ERBB4: variants seen among roughly 807,000 people sequenced by gnomAD.
ERBB4 encodes the protein receptor tyrosine-protein kinase erbB-4.
Under a neutral mutation model 158.0 loss-of-function variants are expected in ERBB4, and 42 were observed. The ratio of observed to expected loss-of-function variants is 0.27; its 90% CI spans 0.21 to 0.34. The LOEUF is 0.34. Among genes scored for constraint, ERBB4 ranks in the 10% least tolerant of loss-of-function variants. The probability of loss-of-function intolerance (pLI) is 1.00; values close to 1 mark genes in which losing one functional copy is unlikely to be tolerated. For missense variants in ERBB4, 1,333 were observed against 1,624.1 expected (o/e 0.82, Z 3.08); for synonymous variants, 583 against 558.7 (o/e 1.04, Z -0.61).
chr2:212,159,103 C>T (rs186678171), intron 1 of ERBB4, among the ~76,000 whole-genome samples: 2 of 151,910 alleles, frequency 1.3e-5, no homozygotes, highest in African/African-American at 2.4e-5. Context: ...GGAAAGTTTA[C>T]GAAAGAGTAA....
At chr2:212,216,105 T>C (rs1462874949) in intron 1 of ERBB4, among the ~76,000 whole-genome samples, 1 of 151,310 alleles carries the variant, frequency 6.6e-6, no homozygotes, top group Admixed American at 6.6e-5. Flanking sequence ...TCCACATCAT[T>C]TGTGGAAGAA....
chr2:212,229,172 G>A (rs1458798797), intron 1 of ERBB4, among the ~76,000 whole-genome samples: 1 of 152,106 alleles, frequency 6.6e-6, no homozygotes, highest in Non-Finnish European at 1.5e-5. Flanking sequence ...AATATAATGA[G>A]GGAAACCTTA....
chr2:211,699,692 A>C (rs1011686155), intron 12 of ERBB4, among the ~76,000 whole-genome samples: 1 of 152,148 alleles, frequency 6.6e-6, no homozygotes, highest in Non-Finnish European at 1.5e-5. Context: ...ATTCTTATGC[A>C]CAGAACAAAA....
At chr2:211,409,453 T>C (rs2063211308) in intron 25 of ERBB4, among the ~76,000 whole-genome samples, 2 of 152,210 alleles carry the variant, frequency 1.3e-5, no homozygotes, top group Non-Finnish European at 2.9e-5. Context: ...TTGTTTAACT[T>C]GTAAGGATCA....
At chr2:211,398,827 G>A (rs972030156) in intron 25 of ERBB4, among the ~76,000 whole-genome samples, 1 of 152,104 alleles carries the variant, frequency 6.6e-6, no homozygotes, top group Non-Finnish European at 1.5e-5. Flanking sequence ...TAAGACTCTG[G>A]CTCAGAAACA....
intron 1 of ERBB4, among the ~76,000 whole-genome samples, chr2:212,449,854 A>ACAAT (rs1560357280): frequency 6.6e-6 from 1 of 151,522 alleles, no homozygotes; most frequent in African/African-American, 2.4e-5. Flanking sequence ...TGATATAGCT[A>ACAAT]TAATATTAAT....
chr2:211,458,941 T>C (rs1158473401), intron 20 of ERBB4, among the ~76,000 whole-genome samples: 1 of 152,192 alleles, frequency 6.6e-6, no homozygotes, highest in Non-Finnish European at 1.5e-5. Flanking sequence ...TGCTCTGAAA[T>C]AGAAAGCTTC....
chr2:212,419,813 T>C (rs2091752662), intron 1 of ERBB4, among the ~76,000 whole-genome samples: 1 of 151,944 alleles, frequency 6.6e-6, no homozygotes, highest in Non-Finnish European at 1.5e-5. Flanking sequence ...TAGTTAATAG[T>C]ATCCAAAATA....
chr2:211,822,467 T>C (rs925985258), intron 3 of ERBB4, among the ~76,000 whole-genome samples: 2 of 152,024 alleles, frequency 1.3e-5, no homozygotes, highest in Non-Finnish European at 2.9e-5. Context: ...AAAGAACTAA[T>C]GTATCACTTG....
intron 3 of ERBB4, among the ~76,000 whole-genome samples, chr2:211,835,460 A>C (rs2077321072): frequency 6.6e-6 from 1 of 152,096 alleles, no homozygotes; most frequent in South Asian, 2.1e-4. Context: ...TTGTGGTTTA[A>C]AATTTCTGTT....
At chr2:211,562,154 T>C (rs1436532100) in intron 19 of ERBB4, 66 bp from the exon 20 acceptor site, 1 of 1,353,786 alleles carries the variant, frequency 7.4e-7, no homozygotes, top group African/African-American at 1.4e-5. Flanking sequence ...GTTACTTGGA[T>C]TGTACTAATG....
rs113232485 is a variant in ERBB4, at chr2:212,329,688, C to T, written c.83-204785G>A. Among the ~76,000 whole-genome samples the T allele has an allele frequency of 5.3e-3, 801 of 152,106 alleles. 4 individuals are homozygous for T. Among genetic ancestry groups the T allele is most frequent in the Middle Eastern group, 0.017 (5 of 294 alleles). On this transcript the variant is annotated intron_variant, in intron 1 of 27. Transcript: ENST00000342788. ...TCCTTACATGATAAAAGTGGGCAGC[C>T]AGGTTTGTAAAACAGTGATTTAACC...
chr2:212,256,079 C>A (rs2084729311), intron 1 of ERBB4, among the ~76,000 whole-genome samples: 1 of 151,740 alleles, frequency 6.6e-6, no homozygotes, highest in Non-Finnish European at 1.5e-5. Flanking sequence ...AGCAGTCCTC[C>A]CATCTTGGCC....
At chr2:211,619,844 G>A (rs1241769945) in intron 18 of ERBB4, among the ~76,000 whole-genome samples, 1 of 152,046 alleles carries the variant, frequency 6.6e-6, no homozygotes, top group African/African-American at 2.4e-5. Context: ...AAGTGCTAGG[G>A]GATATTGAGC....
chr2:211,714,935 G>A (rs565524066), intron 7 of ERBB4, among the ~76,000 whole-genome samples: 10 of 152,122 alleles, frequency 6.6e-5, no homozygotes, highest in African/African-American at 9.7e-5. Context: ...ATGGCTGTGT[G>A]GGGGCTAAGA....
intron 4 of ERBB4, among the ~76,000 whole-genome samples, chr2:211,760,326 C>T (rs1468083024): frequency 6.6e-6 from 1 of 152,178 alleles, no homozygotes; most frequent in Admixed American, 6.5e-5. Context: ...CTTCTGTACA[C>T]ATCTATCATA....
chr2:211,446,306 G>A (rs2064111285), intron 20 of ERBB4, among the ~76,000 whole-genome samples: 1 of 152,156 alleles, frequency 6.6e-6, no homozygotes, highest in Non-Finnish European at 1.5e-5. Flanking sequence ...TCACCTGGCT[G>A]GAGTATTCTA....
At chr2:211,850,117 T>C (rs1297144136) in intron 3 of ERBB4, among the ~76,000 whole-genome samples, 1 of 152,022 alleles carries the variant, frequency 6.6e-6, no homozygotes, top group African/African-American at 2.4e-5. Context: ...TCACTGAAAG[T>C]TACCAGTTCT....
intron 19 of ERBB4, among the ~76,000 whole-genome samples, chr2:211,592,566 T>A (rs1479707017): frequency 1.3e-5 from 2 of 151,980 alleles, no homozygotes; most frequent in Non-Finnish European, 2.9e-5. Flanking sequence ...AAAATAAAAC[T>A]GAAAGACAAA....
Sources: gnomAD v4.1 joint callset for allele counts (sites outside exome capture counted in the v4.1 genomes callset) on GRCh38, gnomAD v4.1.1 for gene constraint, MANE v1.5 for transcripts, NCBI Gene and HGNC (gene_info 2026-07-23, HGNC 2026-07-21) for gene names.